ST6GAL2: variants seen among roughly 807,000 people sequenced by gnomAD.
The protein encoded by ST6GAL2 is ST6 beta-galactoside alpha-2,6-sialyltransferase 2, also known as beta-galactoside alpha-2,6-sialyltransferase 2.
ST6GAL2 carries 24 observed loss-of-function variants against 37.5 expected under a neutral mutation model. The ratio of observed to expected loss-of-function variants is 0.64; its 90% confidence interval spans 0.46 to 0.90. The LOEUF is 0.90. Ranked by LOEUF, ST6GAL2 falls within the 40% of genes least tolerant of loss-of-function variation. The pLI, the probability that ST6GAL2 is intolerant of heterozygous loss-of-function variation, is 0.00. For missense variants in ST6GAL2, 715 were observed against 712.7 expected, an observed-to-expected ratio of 1.00 and a Z score of -0.04; for synonymous variants, 306 against 295.1, an observed-to-expected ratio of 1.04 and a Z score of -0.38.
At chr2:106,848,829 A>C (rs1286510543) in intron 1 of ST6GAL2, among the ~76,000 whole-genome samples, 1 of 152,258 alleles carries the variant, frequency 6.6e-6, no homozygotes, top group African/African-American at 2.4e-5. Flanking sequence ...TGCGTCAGAC[A>C]GCTGCAACTT....
chr2:106,850,228 CAAAT>C (rs901866799), intron 1 of ST6GAL2, among the ~76,000 whole-genome samples: 3 of 152,218 alleles, frequency 2.0e-5, no homozygotes, highest in African/African-American at 7.2e-5. Flanking sequence ...TCAGAGGACA[CAAAT>C]AAAGAGAAGA....
Position 106,843,282 on chromosome 2 carries a change from G to C in ST6GAL2, c.696C>G (p.Asn232Lys), listed in dbSNP as rs1676983367. 6.2e-7 allele frequency: 1 copy of C among 1,611,016 alleles called. No homozygotes were observed. The highest frequency in any genetic ancestry group is 8.5e-7 in the Non-Finnish European group (1 of 1,178,746). ...QKAMKDYLTA[N>K]KHGVRFRGKR... ...TCCCGCGGAAGCGCACCCCGTGCTTGTTGGCGGTCAGGTAATCCTTCATCG... is the reference window on the plus strand; with the variant it reads ...TCCCGCGGAAGCGCACCCCGTGCTTCTTGGCGGTCAGGTAATCCTTCATCG... Residue 232 changes from asparagine to lysine, a missense_variant, in exon 2 of 6, where the codon AAC becomes AAG. Transcript: ENST00000409382.
intron 1 of ST6GAL2, among the ~76,000 whole-genome samples, chr2:106,879,222 G>A (rs931703111): frequency 6.6e-6 from 1 of 152,154 alleles, no homozygotes; most frequent in African/African-American, 2.4e-5. Context: ...GTATCCAATG[G>A]TGATATATGG....
At chr2:106,884,847 G>C (rs1426958512) in intron 1 of ST6GAL2, among the ~76,000 whole-genome samples, 4 of 144,256 alleles carry the variant, frequency 2.8e-5, no homozygotes, top group Non-Finnish European at 4.5e-5. Context: ...GTAAAAACAG[G>C]TTCAAGGCCA....
Position 106,830,229 on chromosome 2 carries a change from T to G in ST6GAL2, c.1155A>C (p.Lys385Asn). Reference protein sequence around the residue: ...YSANLNLWYKKPDYNLFTPYI... With the variant: ...YSANLNLWYKNPDYNLFTPYI... ...ATGGAGTGAACAGGTTGTAATCCGGTTTTTTGTACCACTAAGGAAAAAAAA... is the reference window on the plus strand; with the variant it reads ...ATGGAGTGAACAGGTTGTAATCCGGGTTTTTGTACCACTAAGGAAAAAAAA... Residue 385 changes from lysine (K) to asparagine (N), a missense_variant, in exon 5 of 6, where the codon AAA becomes AAC. By Grantham distance (94) the Lys-to-Asn change is moderately conservative. This residue lies in a region of ST6GAL2 where 198 missense variants were observed against 203.6 expected (regional missense o/e 0.97). Coordinates refer to ENST00000409382, the MANE Select transcript of ST6GAL2 (RefSeq NM_001142351.2). 3 of 1,608,882 alleles carry G rather than the reference T, an allele frequency of 1.9e-6. No homozygotes were observed. The South Asian group carries it at 3.3e-5, about 18-fold the overall frequency.
chr2:106,864,124 G>A (rs1171297855), intron 1 of ST6GAL2, among the ~76,000 whole-genome samples: 1 of 152,200 alleles, frequency 6.6e-6, no homozygotes, highest in African/African-American at 2.4e-5. Context: ...CAGAAACAAT[G>A]TTCAACCCAC....
intron 1 of ST6GAL2, among the ~76,000 whole-genome samples, chr2:106,857,629 A>T (rs1187941331): frequency 6.6e-6 from 1 of 152,182 alleles, no homozygotes; most frequent in Non-Finnish European, 1.5e-5. Flanking sequence ...CAAAACCAAA[A>T]AAAACCACAC....
At position 106,803,611 on chromosome 2, in the gene ST6GAL2, G is replaced by GTGA. The variant is rs142804046; in HGVS notation, c.*3066_*3067insTCA. On this transcript the variant is annotated 3_prime_UTR_variant, in exon 6 of 6. Coordinates refer to ENST00000409382, the MANE Select transcript of ST6GAL2 (RefSeq NM_001142351.2). ...ATTGCTGCTCAAAATTTGTTTCTTT[G>GTGA]TAACAACAACAACAACAACAACAAC... The GTGA allele has an allele frequency of 2.0e-4, 19 of 94,560 alleles. No homozygotes were observed. The highest frequency in any genetic ancestry group is 6.4e-4 in the African/African-American group (15 of 23,296). 5.9% of individuals were successfully genotyped at this position (94,560 alleles called of 1,614,324 possible).
At chr2:106,807,258 G>A (rs1675447030) in intron 5 of ST6GAL2, among the ~76,000 whole-genome samples, 1 of 152,136 alleles carries the variant, frequency 6.6e-6, no homozygotes. Context: ...CGCTAGTGAA[G>A]GACAGATTTG....
chr2:106,854,247 T>C (rs1447559461), intron 1 of ST6GAL2, among the ~76,000 whole-genome samples: 1 of 152,190 alleles, frequency 6.6e-6, no homozygotes, highest in East Asian at 1.9e-4. Context: ...CCATGCACGG[T>C]TGACCAGAAA....
chr2:106,848,979 TG>T (rs1214248446), intron 1 of ST6GAL2, among the ~76,000 whole-genome samples: 1 of 152,138 alleles, frequency 6.6e-6, no homozygotes, highest in African/African-American at 2.4e-5. Flanking sequence ...CAAACAGCTG[TG>T]GCATATATAC....
At chr2:106,810,698 C>A (rs1378831669) in intron 5 of ST6GAL2, among the ~76,000 whole-genome samples, 1 of 152,092 alleles carries the variant, frequency 6.6e-6, no homozygotes. Context: ...GCCTGGAATC[C>A]CAGTACTTTG....
At chr2:106,866,239 C>T (rs1678020622) in intron 1 of ST6GAL2, among the ~76,000 whole-genome samples, 1 of 152,288 alleles carries the variant, frequency 6.6e-6, no homozygotes, top group Non-Finnish European at 1.5e-5. Context: ...TGTGACTGTG[C>T]AGTCATGTGG....
At chr2:106,815,681 G>A (rs1326503911) in intron 5 of ST6GAL2, among the ~76,000 whole-genome samples, 1 of 152,222 alleles carries the variant, frequency 6.6e-6, no homozygotes, top group Non-Finnish European at 1.5e-5. Context: ...GGTACTATCA[G>A]TATCTTCATT....
chr2:106,879,832 TAATC>T (rs1283183125), intron 1 of ST6GAL2, among the ~76,000 whole-genome samples: 5 of 147,766 alleles, frequency 3.4e-5, no homozygotes, highest in East Asian at 1.9e-4. Context: ...TATAGATAAT[TAATC>T]TATATATAAT....
intron 1 of ST6GAL2, among the ~76,000 whole-genome samples, chr2:106,860,562 C>T (rs1020244215): frequency 6.6e-6 from 1 of 152,124 alleles, no homozygotes; most frequent in African/African-American, 2.4e-5. Flanking sequence ...GAGCTGTACA[C>T]CACGTACTGC....
At chr2:106,863,590 G>A (rs1677897460) in intron 1 of ST6GAL2, among the ~76,000 whole-genome samples, 1 of 152,080 alleles carries the variant, frequency 6.6e-6, no homozygotes, top group African/African-American at 2.4e-5. Flanking sequence ...AGCCACTATG[G>A]GGCACTGTGC....
At chr2:106,848,040 T>C (rs2104537111) in intron 1 of ST6GAL2, among the ~76,000 whole-genome samples, 1 of 150,388 alleles carries the variant, frequency 6.6e-6, no homozygotes, top group African/African-American at 2.4e-5. Context: ...TCTTTTTCTC[T>C]TTCTTTTTTT....
At chr2:106,850,715 C>T (rs1677323911) in intron 1 of ST6GAL2, among the ~76,000 whole-genome samples, 1 of 152,132 alleles carries the variant, frequency 6.6e-6, no homozygotes, top group South Asian at 2.1e-4. Flanking sequence ...ATGTTACAGC[C>T]CTGGATCATC....
Sources: gnomAD v4.1 joint callset for allele counts (sites outside exome capture counted in the v4.1 genomes callset) on GRCh38, gnomAD v4.1.1 for gene constraint, gnomAD v4.1.1 regional missense constraint, MANE v1.5 for transcripts, NCBI Gene and HGNC (gene_info 2026-07-23, HGNC 2026-07-21) for gene names.